Variants in TIAM1 observed in about 807,000 individuals in gnomAD.
TIAM1 encodes TIAM Rac1 associated GEF 1, also known as rho guanine nucleotide exchange factor TIAM1.
In TIAM1, 65 loss-of-function variants were observed where a neutral mutation model predicts 163.5. That is an observed-to-expected ratio of 0.40 (90% CI 0.33 to 0.49). The LOEUF is 0.49. Ranked by LOEUF, TIAM1 falls within the 20% of genes least tolerant of loss-of-function variation. The pLI is 0.77. For synonymous variants in TIAM1, 833 were observed against 810.1 expected, an observed-to-expected ratio of 1.03 and a Z score of -0.48; for missense variants, 1,789 against 2,044.7, an observed-to-expected ratio of 0.87 and a Z score of 2.41.
intron 2 of TIAM1, among the ~76,000 whole-genome samples, chr21:31,448,332 C>T (rs900021486): frequency 7.9e-5 from 12 of 152,234 alleles, no homozygotes; most frequent in South Asian, 2.1e-4. Flanking sequence ...AGGCCAGGCG[C>T]GGTGGCTCAT....
intron 2 of TIAM1, among the ~76,000 whole-genome samples, chr21:31,306,010 C>T (rs1410911952): frequency 1.3e-5 from 2 of 152,110 alleles, no homozygotes; most frequent in Non-Finnish European, 2.9e-5. Context: ...TGGCACACAA[C>T]GAGACAGAGG....
In TIAM1 at chr21:31,358,292, C is replaced by T. The variant is rs146941060; in HGVS notation, c.-368-18870G>A. Among the ~76,000 whole-genome samples the T allele has an allele frequency of 3.8e-3, 579 of 152,288 alleles. 4 individuals carry two copies. Among genetic ancestry groups the T allele is most frequent in the African/African-American group, 8.7e-3 (363 of 41,558 alleles). Reference sequence around the variant, plus strand: ...TCTACACCACTGTTTGACTTCTCCACGCGGTCCTGCTTGCTTCCTCTTTCT... The same window carrying T: ...TCTACACCACTGTTTGACTTCTCCATGCGGTCCTGCTTGCTTCCTCTTTCT... On this transcript the variant is annotated intron_variant, in intron 2 of 28. Transcript: ENST00000286827.
intron 2 of TIAM1, among the ~76,000 whole-genome samples, chr21:31,455,811 T>G (rs554233151): frequency 6.6e-6 from 1 of 152,302 alleles, no homozygotes; most frequent in African/African-American, 2.4e-5. Flanking sequence ...TAGCCTGCCA[T>G]CCTCAAAAGT....
At chr21:31,303,229 CTCTTCCT>C (rs1283650052) in intron 2 of TIAM1, among the ~76,000 whole-genome samples, 8 of 152,312 alleles carry the variant, frequency 5.3e-5, no homozygotes, top group African/African-American at 1.9e-4. Flanking sequence ...TGACTAGGAA[CTCTTCCT>C]AAGAGAAGCC....
intron 2 of TIAM1, among the ~76,000 whole-genome samples, chr21:31,365,506 A>G (rs879492085): frequency 2.0e-5 from 3 of 148,308 alleles, no homozygotes; most frequent in Non-Finnish European, 4.4e-5. Flanking sequence ...CTCCTGCCTC[A>G]GCCTCCCAAG....
chr21:31,498,654 A>C (rs1329163180), intron 1 of TIAM1, among the ~76,000 whole-genome samples: 1 of 152,188 alleles, frequency 6.6e-6, no homozygotes, highest in African/African-American at 2.4e-5. Flanking sequence ...GGATGAGAAA[A>C]CAGGGTCCTG....
At chr21:31,393,189 C>G (rs1211537005) in intron 2 of TIAM1, among the ~76,000 whole-genome samples, 1 of 152,166 alleles carries the variant, frequency 6.6e-6, no homozygotes, top group Non-Finnish European at 1.5e-5. Context: ...CTCCTGACCT[C>G]AAGTGATCCG....
chr21:31,152,986 G>T, intron 18 of TIAM1, 80 bp downstream of exon 18: 2 of 1,374,940 alleles, frequency 1.5e-6, no homozygotes, highest in Non-Finnish European at 2.0e-6. Context: ...TCAGTGTTAC[G>T]CATGTCCCCA....
At chr21:31,398,309 T>C (rs563784418) in intron 2 of TIAM1, among the ~76,000 whole-genome samples, 6 of 152,326 alleles carry the variant, frequency 3.9e-5, no homozygotes, top group African/African-American at 1.4e-4. Flanking sequence ...TTACTTTTTA[T>C]GCCATCCTTC....
intron 1 of TIAM1, among the ~76,000 whole-genome samples, chr21:31,481,976 G>A (rs2046122300): frequency 6.6e-6 from 1 of 151,818 alleles, no homozygotes; most frequent in Admixed American, 6.6e-5. Context: ...GCTATCAAGA[G>A]GTCCCCAGTG....
intron 1 of TIAM1, among the ~76,000 whole-genome samples, chr21:31,489,813 TC>T (rs1228594928): frequency 6.6e-6 from 1 of 152,056 alleles, no homozygotes; most frequent in Admixed American, 6.6e-5. Context: ...CCCCCTCCCC[TC>T]CCCATCCCAC....
rs145358299 is a variant in TIAM1, at chr21:31,300,992, A to G, written c.-188-24084T>C. On this transcript the variant is annotated intron_variant, in intron 2 of 27. Transcript: ENST00000541036. Reference sequence around the variant, plus strand: ...ACTCAAGAAAGGCAGCACCAAAAACATGGCTTATAGTAGACAACCCCCAGT... The same window carrying G: ...ACTCAAGAAAGGCAGCACCAAAAACGTGGCTTATAGTAGACAACCCCCAGT... Among the ~76,000 whole-genome samples the G allele has an allele frequency of 4.4e-3, 666 of 152,388 alleles. 4 individuals are homozygous for G. Among genetic ancestry groups the G allele is most frequent in the African/African-American group, 0.015 (625 of 41,588 alleles).
chr21:31,319,517 A>AC (rs903878992), intron 2 of TIAM1, among the ~76,000 whole-genome samples: 15 of 152,042 alleles, frequency 9.9e-5, no homozygotes, highest in Non-Finnish European at 2.1e-4. Context: ...GGTGGCTCAT[A>AC]CCTGTAATCC....
chr21:31,137,032 T>C (rs778544385), intron 22 of TIAM1, among the ~76,000 whole-genome samples: 3 of 152,236 alleles, frequency 2.0e-5, no homozygotes, highest in Non-Finnish European at 2.9e-5. Context: ...GACAGACAAG[T>C]GCTGGTTGCA....
chr21:31,404,567 T>C (rs2147225329), intron 2 of TIAM1, among the ~76,000 whole-genome samples: 1 of 151,984 alleles, frequency 6.6e-6, no homozygotes, highest in African/African-American at 2.4e-5. Context: ...ATGGGTCTCT[T>C]TATATTGCCC....
intron 2 of TIAM1, among the ~76,000 whole-genome samples, chr21:31,386,418 C>T (rs1469006141): frequency 6.6e-6 from 1 of 152,080 alleles, no homozygotes. Flanking sequence ...AAAGCAAAAG[C>T]AAAATCAAAC....
At position 31,384,787 on chromosome 21, in the gene TIAM1, G is replaced by A. The variant is rs577334307; in HGVS notation, c.-368-45365C>T. Among the ~76,000 whole-genome samples the A allele has an allele frequency of 2.6e-5, 4 of 152,264 alleles. No individual in the cohort carries two copies. The South Asian group carries it at 8.3e-4, about 32-fold the overall frequency. ...GCTACACATACCACTAATGGAACAG[G>A]AAACCATTTTTAGTGGTACATGGAA... On this transcript the variant is annotated intron_variant, in intron 2 of 28. Transcript: ENST00000286827.
chr21:31,259,483 T>G (rs753900114), intron 4 of TIAM1, among the ~76,000 whole-genome samples: 1 of 151,880 alleles, frequency 6.6e-6, no homozygotes, highest in African/African-American at 2.4e-5. Flanking sequence ...TAGTGGTCCA[T>G]GCCTGTAGTC....
chr21:31,194,698 G>A (rs576397390), intron 13 of TIAM1, among the ~76,000 whole-genome samples: 3 of 152,212 alleles, frequency 2.0e-5, no homozygotes, highest in South Asian at 2.1e-4. Context: ...ATGAGATTCC[G>A]GTCTACCTGA....
Sources: allele counts gnomAD v4.1 joint callset (sites outside exome capture counted in the v4.1 genomes callset), GRCh38; gene constraint gnomAD v4.1.1; transcripts MANE v1.5; gene names NCBI Gene and HGNC (gene_info 2026-07-23, HGNC 2026-07-21).